SLC23A2: variants seen among roughly 807,000 people sequenced by gnomAD.
SLC23A2 encodes Na(+)/L-ascorbic acid transporter 2.
A neutral mutation model predicts 73.3 loss-of-function variants in SLC23A2; 36 were observed. The observed-to-expected ratio is 0.49, with a 90% CI of 0.38 to 0.65. The LOEUF (loss-of-function observed/expected upper bound fraction) is 0.65. Ranked by LOEUF, SLC23A2 falls within the 30% of genes least tolerant of loss-of-function variation. The pLI is 0.00. For synonymous variants in SLC23A2, 343 were observed against 327.3 expected, an observed-to-expected ratio of 1.05 and a Z score of -0.52; for missense variants, 507 against 841.6, an observed-to-expected ratio of 0.60 and a Z score of 4.92.
chr20:4,923,267 A>C, intron 3 of SLC23A2, among the ~76,000 whole-genome samples: 1 of 52,618 alleles, frequency 1.9e-5, no homozygotes, highest in African/African-American at 7.2e-5. Context: ...GGAGGGAGGG[A>C]GGGAGGGAGG....
chr20:4,922,659 T>G (rs1568625705), intron 3 of SLC23A2, among the ~76,000 whole-genome samples: 1 of 151,982 alleles, frequency 6.6e-6, no homozygotes, highest in Non-Finnish European at 1.5e-5. Context: ...AAATCCAGTC[T>G]CTACCAAAAA....
At chr20:4,900,268 A>G (rs1022784879) in intron 5 of SLC23A2, among the ~76,000 whole-genome samples, 6 of 152,260 alleles carry the variant, frequency 3.9e-5, no homozygotes, top group African/African-American at 1.4e-4. Flanking sequence ...GAAACAGTCA[A>G]TATCAGCACT....
At chr20:4,986,563 C>G (rs1256133928) in intron 1 of SLC23A2, among the ~76,000 whole-genome samples, 1 of 151,250 alleles carries the variant, frequency 6.6e-6, no homozygotes, top group Non-Finnish European at 1.5e-5. Context: ...CTCAATCCAC[C>G]TCAGCCTCCC....
chr20:4,960,078 G>A (rs2087356209), intron 2 of SLC23A2, among the ~76,000 whole-genome samples: 1 of 152,186 alleles, frequency 6.6e-6, no homozygotes, highest in Non-Finnish European at 1.5e-5. Context: ...ACAACTGTGA[G>A]CTATCATACC....
At chr20:4,912,775 G>T in intron 4 of SLC23A2, 105 bp downstream of exon 4, 1 of 751,296 alleles carries the variant, frequency 1.3e-6, no homozygotes. Flanking sequence ...AGCCCCAGAC[G>T]AAGGACATGC....
intron 6 of SLC23A2, among the ~76,000 whole-genome samples, chr20:4,897,677 C>A (rs1931595255): frequency 1.3e-5 from 2 of 152,282 alleles, no homozygotes; most frequent in South Asian, 2.1e-4. Context: ...CAAGATGATG[C>A]CCTCTGTGAC....
chr20:4,917,242 G>A (rs1568623411), intron 3 of SLC23A2, among the ~76,000 whole-genome samples: 1 of 152,178 alleles, frequency 6.6e-6, no homozygotes, highest in Admixed American at 6.5e-5. Context: ...GCAGGAGAGT[G>A]GATGGGTGGG....
At chr20:4,878,336 G>A (rs1409414282) in intron 9 of SLC23A2, among the ~76,000 whole-genome samples, 1 of 151,752 alleles carries the variant, frequency 6.6e-6, no homozygotes, top group Non-Finnish European at 1.5e-5. Flanking sequence ...ACAGGTGCCC[G>A]CCACTACACC....
Position 4,912,936 on chromosome 20 carries a change from T to C in SLC23A2, c.151A>G (p.Asn51Asp). The C allele has an allele frequency of 6.4e-7, 1 of 1,559,230 alleles. No homozygotes were observed. Among genetic ancestry groups the C allele is most frequent in the South Asian group, 1.1e-5 (1 of 88,352 alleles). Residue 51 changes from asparagine (N) to aspartate (D), a missense_variant, in exon 4 of 17, where the codon AAT (asparagine) becomes GAT (aspartate). Asn to Asp is a conservative substitution (Grantham distance 23). Coordinates refer to ENST00000338244, the MANE Select transcript of SLC23A2 (RefSeq NM_005116.6). Reference protein sequence around the residue: ...GGATSSGEQDNEDTELMAIYT... With the variant: ...GGATSSGEQDDEDTELMAIYT... The stretch of plus-strand genomic sequence containing the variant: ...ATCGCCATGAGCTCAGTGTCCTCAT[T>C]GTCCTGCTCACCGCTGGAGGTGGCG...
intron 1 of SLC23A2, among the ~76,000 whole-genome samples, chr20:5,000,598 T>C (rs1167345506): frequency 2.0e-5 from 3 of 152,160 alleles, no homozygotes; most frequent in Non-Finnish European, 4.4e-5. Context: ...TTCTTCCACC[T>C]GCAGTTGCCC....
At position 4,865,828 on chromosome 20, in the gene SLC23A2, AT is replaced by A. The variant is rs960591815; in HGVS notation, c.1356+1941del. ...CCAATATACTTTATTTTATTTATAT[AT>A]TTTTTTTTATTTTTTATTTTGGAGT... is the stretch of plus-strand genomic sequence containing the variant. On this transcript the variant is annotated intron_variant, in intron 13 of 16. Transcript: ENST00000338244. 3.6e-3 allele frequency among the ~76,000 whole-genome samples: 539 copies of A among 151,224 alleles called. 3 individuals carry two copies. The highest frequency in any genetic ancestry group is 5.8e-3 in the Non-Finnish European group (392 of 67,768).
chr20:4,885,715 C>A, intron 7 of SLC23A2, 106 bp downstream of exon 7: 1 of 790,782 alleles, frequency 1.3e-6, no homozygotes, highest in East Asian at 2.6e-5. Flanking sequence ...TGCTTTGTCC[C>A]TAATTCTTGA....
chr20:4,906,541 A>G (rs1388119769), intron 4 of SLC23A2, among the ~76,000 whole-genome samples: 1 of 151,058 alleles, frequency 6.6e-6, no homozygotes, highest in African/African-American at 2.4e-5. Context: ...AATCGCTTCA[A>G]CCCAGGAGGC....
At chr20:4,957,795 G>A (rs529258643) in intron 2 of SLC23A2, among the ~76,000 whole-genome samples, 64 of 151,722 alleles carry the variant, frequency 4.2e-4, no homozygotes, top group African/African-American at 1.5e-3. Context: ...CAGCTACTCG[G>A]GAGGCTGAGG....
At chr20:4,877,825 A>T (rs1035823349) in intron 9 of SLC23A2, among the ~76,000 whole-genome samples, 3 of 152,200 alleles carry the variant, frequency 2.0e-5, no homozygotes, top group Non-Finnish European at 2.9e-5. Context: ...TAAGTTTTAA[A>T]ATGTAGGTCC....
rs185736570 is a variant in SLC23A2 at position 4,902,336 on chromosome 20, A to G, written c.324+106T>C. ...ATCACTCTTAAAAGAGGAATTTATA[A>G]AAGTCTTCAATAAACAAAAACCAAA... On this transcript the variant is annotated intron_variant, in intron 5 of 16. Transcript: ENST00000338244. This position sits in a 1 kb window ranked among gnomAD's most constrained non-coding sequence, Gnocchi z 4.0. 2.5e-4 allele frequency: 171 copies of G among 672,452 alleles called. No individual in the cohort carries two copies. The highest frequency in any genetic ancestry group is 3.5e-4 in the Non-Finnish European group (134 of 381,784). The allele number at this position is 672,452 out of a possible 1,614,324, so 41.7% of individuals were successfully genotyped here.
At chr20:5,001,127 G>T (rs1291851440) in intron 1 of SLC23A2, among the ~76,000 whole-genome samples, 1 of 151,818 alleles carries the variant, frequency 6.6e-6, no homozygotes, top group African/African-American at 2.4e-5. Context: ...CTCCCGTGGC[G>T]GGAAGGGGTG....
At chr20:4,913,687 C>T (rs975346884) in intron 3 of SLC23A2, among the ~76,000 whole-genome samples, 6 of 152,038 alleles carry the variant, frequency 3.9e-5, no homozygotes, top group Non-Finnish European at 7.4e-5. Context: ...AATGCAATGG[C>T]GTGATCTCGG....
chr20:4,944,264 G>T (rs2087083856), intron 2 of SLC23A2, among the ~76,000 whole-genome samples: 1 of 152,132 alleles, frequency 6.6e-6, no homozygotes, highest in Non-Finnish European at 1.5e-5. Context: ...TGTTGAGATG[G>T]AGTCTTGCTC....
Sources: allele counts gnomAD v4.1 joint callset (sites outside exome capture counted in the v4.1 genomes callset), GRCh38; gene constraint gnomAD v4.1.1; non-coding constraint Gnocchi (gnomAD v3.1); transcripts MANE v1.5; gene names NCBI Gene and HGNC (gene_info 2026-07-23, HGNC 2026-07-21).